The following TOP1MT variants were observed in gnomAD, a reference collection of about 807,000 sequenced individuals.
TOP1MT encodes the protein DNA topoisomerase I, mitochondrial.
In TOP1MT, 80 loss-of-function variants were observed where a neutral mutation model predicts 73.9. The observed-to-expected ratio is 1.08, with a 90% CI of 0.90 to 1.30. TOP1MT has a LOEUF of 1.30. TOP1MT is among the 50% of genes most tolerant of loss of function. The pLI is 0.00. For missense variants in TOP1MT, 815 were observed against 808.0 expected (o/e 1.01, Z -0.10); for synonymous variants, 338 against 326.4 (o/e 1.04, Z -0.38).
rs570130429 is a variant in TOP1MT at position 143,341,420 on chromosome 8, C to T, written c.29+1800G>A. Among the ~76,000 whole-genome samples the T allele has an allele frequency of 1.3e-5, 2 of 152,310 alleles. No individual in the cohort carries two copies. Among genetic ancestry groups the T allele is most frequent in the South Asian group, 4.1e-4 (2 of 4,828 alleles). On this transcript the variant is annotated intron_variant, in intron 2 of 5. Transcript: ENST00000518007. The surrounding 1 kb of genome is among the most constrained non-coding windows in gnomAD (Gnocchi z 4.1). Reference sequence around the variant, plus strand: ...CCATCTTCATCTTGTCTGCAGGAACCTCCGTGTGGCCTTGGGACCTTGCCC... The same window carrying T: ...CCATCTTCATCTTGTCTGCAGGAACTTCCGTGTGGCCTTGGGACCTTGCCC...
At chr8:143,351,107 C>T (rs1166632522) in intron 1 of TOP1MT, among the ~76,000 whole-genome samples, 1 of 152,200 alleles carries the variant, frequency 6.6e-6, no homozygotes, top group Non-Finnish European at 1.5e-5. Flanking sequence ...CAGCAAGAAC[C>T]CCTACCCCCG....
At chr8:143,317,045 G>A (rs558882554) in intron 10 of TOP1MT, among the ~76,000 whole-genome samples, 125 of 152,376 alleles carry the variant, frequency 8.2e-4, no homozygotes, top group African/African-American at 2.9e-3. Context: ...ACGGGTGCAC[G>A]CGAAACACAT....
intron 6 of TOP1MT, 46 bp downstream of exon 6, chr8:143,324,437 CAG>C (rs1277423928): frequency 9.3e-6 from 15 of 1,612,280 alleles, no homozygotes; most frequent in African/African-American, 1.3e-5. Context: ...CCGGCGTCCT[CAG>C]GGGGACCTCC....
At position 143,318,010 on chromosome 8, in the gene TOP1MT, C is replaced by T. The variant is rs184302519; in HGVS notation, c.1215+8G>A. 1,154 of 1,614,134 alleles carry T rather than the reference C, an allele frequency of 7.1e-4. 4 individuals are homozygous for T. The highest frequency in any genetic ancestry group is 4.5e-3 in the African/African-American group (336 of 75,042). On this transcript the variant is annotated splice_region_variant and intron_variant, in intron 9 of 13. Coordinates refer to ENST00000329245, the MANE Select transcript of TOP1MT (RefSeq NM_052963.3). Reference sequence around the variant, plus strand: ...CGCCCACTGCTGAGGAAACACGAGCCGGCTTACGGTCAGCCTGTCGAAGAG... The same window carrying T: ...CGCCCACTGCTGAGGAAACACGAGCTGGCTTACGGTCAGCCTGTCGAAGAG...
intron 7 of TOP1MT, among the ~76,000 whole-genome samples, chr8:143,321,787 ACACGCACGC>A (rs1336708993): frequency 1.9e-5 from 2 of 104,322 alleles, no homozygotes; most frequent in Non-Finnish European, 1.9e-5. Context: ...CGCACGCCAC[ACACGCACGC>A]CACACACGCA....
intron 1 of TOP1MT, chr8:143,350,154 G>T (rs989466115): frequency 6.6e-6 from 1 of 152,128 alleles, no homozygotes; most frequent in Non-Finnish European, 1.5e-5. Flanking sequence ...AAACTCTTCC[G>T]TTAAAGACCA....
intron 2 of TOP1MT, among the ~76,000 whole-genome samples, chr8:143,329,895 T>G (rs907492928): frequency 6.6e-6 from 1 of 151,980 alleles, no homozygotes; most frequent in Non-Finnish European, 1.5e-5. Context: ...GCGGCCTCTG[T>G]CCCACCATTC....
Position 143,316,192 on chromosome 8 carries a change from C to T in TOP1MT, c.1331-66G>A, listed in dbSNP as rs1321620088. The T allele has an allele frequency of 4.0e-5, 64 of 1,609,186 alleles. 1 individual carries two copies. The highest frequency in any genetic ancestry group is 4.0e-5 in the Non-Finnish European group (47 of 1,178,626). Reference sequence around the variant, plus strand: ...GGCCACCCTCCCTGTCTGCCCTGAGCCGGCCTTAACGCGCCACACAGCGCA... The same window carrying T: ...GGCCACCCTCCCTGTCTGCCCTGAGTCGGCCTTAACGCGCCACACAGCGCA... On this transcript the variant is annotated intron_variant, in intron 10 of 13. Transcript: ENST00000329245.
upstream of TOP1MT, among the ~76,000 whole-genome samples, chr8:143,337,787 A>G (rs935873855): frequency 3.3e-5 from 5 of 152,224 alleles, no homozygotes; most frequent in African/African-American, 1.2e-4. Flanking sequence ...GTGAAATTCA[A>G]TAGTCAAACA....
At chr8:143,352,492 G>C (rs377350481) in intron 1 of TOP1MT, among the ~76,000 whole-genome samples, 1 of 152,210 alleles carries the variant, frequency 6.6e-6, no homozygotes, top group Non-Finnish European at 1.5e-5. Flanking sequence ...AATGAAGTTA[G>C]GCCTCTTCCT....
chr8:143,321,582 ACGC>A (rs1177767192), intron 7 of TOP1MT, among the ~76,000 whole-genome samples, 196 bp from the exon 8 acceptor site: 1 of 58,694 alleles, frequency 1.7e-5, no homozygotes, highest in Non-Finnish European at 3.2e-5. Flanking sequence ...CCACACAGGC[ACGC>A]CACACGCACG....
rs1205448946 is a variant in TOP1MT, at chr8:143,341,726, C to T, written c.29+1494G>A. Reference sequence around the variant, plus strand: ...CAGGTGCAGGCCGCAACAGGCCATACTGCCAGCGTCCACCCTGACCCAGAC... The same window carrying T: ...CAGGTGCAGGCCGCAACAGGCCATATTGCCAGCGTCCACCCTGACCCAGAC... On this transcript the variant is annotated intron_variant, in intron 2 of 5. Coordinates refer to the TOP1MT transcript ENST00000518007. This position sits in a 1 kb window ranked among gnomAD's most constrained non-coding sequence, Gnocchi z 4.1. 1.3e-5 allele frequency among the ~76,000 whole-genome samples: 2 copies of T among 152,228 alleles called. No individual in the cohort carries two copies. The highest frequency in any genetic ancestry group is 6.5e-5 in the Admixed American group (1 of 15,284).
At chr8:143,334,357 A>C (rs1208344355) in intron 1 of TOP1MT, 2 of 169,938 alleles carry the variant, frequency 1.2e-5, no homozygotes, top group Admixed American at 1.3e-4. Context: ...CCGGGAACCG[A>C]CTCCAGGAAA....
chr8:143,315,258 T>C (rs1816124902), intron 12 of TOP1MT, among the ~76,000 whole-genome samples: 3 of 152,234 alleles, frequency 2.0e-5, no homozygotes. Flanking sequence ...TCTGCCTTCA[T>C]GTTCCATCCT....
intron 3 of TOP1MT, among the ~76,000 whole-genome samples, chr8:143,326,580 G>A (rs1816715007): frequency 6.6e-6 from 1 of 152,198 alleles, no homozygotes; most frequent in Non-Finnish European, 1.5e-5. Context: ...GCAGCGGAGG[G>A]CACAGTTCTC....
At chr8:143,328,433 A>C in intron 3 of TOP1MT, 1 of 375,732 alleles carries the variant, frequency 2.7e-6, no homozygotes, top group Non-Finnish European at 5.3e-6. Flanking sequence ...ACGTCAGTAC[A>C]CCAAAAGATG....
At chr8:143,314,263 T>C (rs1210323095) in intron 12 of TOP1MT, among the ~76,000 whole-genome samples, 1 of 152,078 alleles carries the variant, frequency 6.6e-6, no homozygotes, top group African/African-American at 2.4e-5. Flanking sequence ...GCTCCATGTG[T>C]CCCACTCTTG....
intron 7 of TOP1MT, among the ~76,000 whole-genome samples, chr8:143,323,412 A>T (rs1816590855): frequency 8.6e-6 from 1 of 116,036 alleles, no homozygotes. Context: ...CCACACACGC[A>T]CGCCACACAC....
At chr8:143,332,673 T>A in intron 1 of TOP1MT, 4 of 813,006 alleles carry the variant, frequency 4.9e-6, no homozygotes, top group Non-Finnish European at 7.2e-6. Context: ...GAGGAGGGAA[T>A]GGGCAAGGTT....
Sources: allele counts gnomAD v4.1 joint callset (sites outside exome capture counted in the v4.1 genomes callset), GRCh38; gene constraint gnomAD v4.1.1; non-coding constraint Gnocchi (gnomAD v3.1); transcripts MANE v1.5; gene names NCBI Gene and HGNC (gene_info 2026-07-23, HGNC 2026-07-21).